The following CTNNA3 variants were observed in gnomAD, a reference collection of about 807,000 sequenced individuals.
CTNNA3 encodes catenin alpha 3.
CTNNA3 carries 76 observed loss-of-function variants against 95.7 expected under a neutral mutation model. The observed-to-expected ratio is 0.79, with a 90% CI of 0.66 to 0.96. The LOEUF (loss-of-function observed/expected upper bound fraction) is 0.96, where lower values mean the gene tolerates loss of function less well. Ranked by LOEUF, CTNNA3 falls within the 40% of genes least tolerant of loss-of-function variation. The pLI, the probability that CTNNA3 is intolerant of heterozygous loss-of-function variation, is 0.00. For synonymous variants in CTNNA3, 431 were observed against 374.4 expected (o/e 1.15, Z -1.74); for missense variants, 1,191 against 1,089.8 (o/e 1.09, Z -1.31).
At chr10:67,195,273 T>TA (rs1235455286) in intron 6 of CTNNA3, among the ~76,000 whole-genome samples, 3 of 152,150 alleles carry the variant, frequency 2.0e-5, no homozygotes, top group African/African-American at 7.2e-5. Context: ...TACTTATCTT[T>TA]AAGAAAATTA....
chr10:66,469,717 G>A (rs1433681431), intron 11 of CTNNA3, among the ~76,000 whole-genome samples: 4 of 151,674 alleles, frequency 2.6e-5, no homozygotes, highest in Non-Finnish European at 5.9e-5. Context: ...TTGTGATTAA[G>A]GTGAAGGATA....
At chr10:67,145,704 C>A (rs894298593) in intron 7 of CTNNA3, among the ~76,000 whole-genome samples, 1 of 152,100 alleles carries the variant, frequency 6.6e-6, no homozygotes, top group African/African-American at 2.4e-5. Context: ...GCTGGGATTA[C>A]AGGCATGAGC....
chr10:66,420,659 C>T (rs11816343), intron 11 of CTNNA3, among the ~76,000 whole-genome samples: 40,130 of 151,478 alleles, frequency 0.26, 5,459 homozygotes, highest in South Asian at 0.39. Context: ...ATTAGCCGGG[C>T]GTGATGGCAT....
chr10:66,659,575 A>G (rs1341598062), intron 9 of CTNNA3, among the ~76,000 whole-genome samples: 2 of 152,120 alleles, frequency 1.3e-5, no homozygotes, highest in Non-Finnish European at 2.9e-5. Context: ...ACAAATATTC[A>G]TATGTTTAAA....
chr10:67,554,170 T>A (rs1841143465), intron 3 of CTNNA3, among the ~76,000 whole-genome samples: 1 of 152,198 alleles, frequency 6.6e-6, no homozygotes, highest in South Asian at 2.1e-4. Flanking sequence ...TGTTGGACAT[T>A]TGGGTTGGTT....
In CTNNA3 at chr10:66,927,131, G is replaced by C; in HGVS notation, c.1048-151607C>G. 6.2e-7 allele frequency: 1 copy of C among 1,614,160 alleles called. No individual in the cohort carries two copies. The highest frequency in any genetic ancestry group is 8.5e-7 in the Non-Finnish European group (1 of 1,180,038). On this transcript the variant is annotated intron_variant, in intron 7 of 17. Coordinates refer to ENST00000433211, the MANE Select transcript of CTNNA3 (RefSeq NM_013266.4). This position sits in a 1 kb window ranked among gnomAD's most constrained non-coding sequence, Gnocchi z 4.7. ...TTAGGTTTGTCCCTTCGCTATAACA[G>C]CCTTCAAAAACTTAAGTATAATCAA...
intron 7 of CTNNA3, among the ~76,000 whole-genome samples, chr10:66,804,503 A>G (rs926976361): frequency 1.3e-5 from 2 of 152,004 alleles, no homozygotes; most frequent in Non-Finnish European, 2.9e-5. Context: ...TTTGCCTTTT[A>G]TGTCTACAAT....
intron 3 of CTNNA3, among the ~76,000 whole-genome samples, chr10:67,559,656 T>C (rs1307806810): frequency 6.6e-6 from 1 of 151,838 alleles, no homozygotes; most frequent in African/African-American, 2.4e-5. Context: ...CTTTGACAAG[T>C]TGAGAGAAGG....
chr10:66,560,673 A>G (rs1346340421), intron 10 of CTNNA3, among the ~76,000 whole-genome samples: 1 of 152,022 alleles, frequency 6.6e-6, no homozygotes, highest in Non-Finnish European at 1.5e-5. Context: ...CTTGATCTAT[A>G]ATGGAGTGTG....
chr10:67,311,883 A>G (rs1223029126), intron 5 of CTNNA3, among the ~76,000 whole-genome samples: 1 of 151,928 alleles, frequency 6.6e-6, no homozygotes, highest in East Asian at 1.9e-4. Flanking sequence ...CTAGTATCCC[A>G]ACCCCAACAT....
At chr10:66,375,755 G>C (rs2132478324) in intron 12 of CTNNA3, among the ~76,000 whole-genome samples, 1 of 152,150 alleles carries the variant, frequency 6.6e-6, no homozygotes, top group Non-Finnish European at 1.5e-5. Flanking sequence ...GCTTAAACTG[G>C]AGTAAACAAT....
intron 13 of CTNNA3, among the ~76,000 whole-genome samples, chr10:66,117,246 G>A (rs908614114): frequency 6.6e-6 from 1 of 152,106 alleles, no homozygotes; most frequent in African/African-American, 2.4e-5. Context: ...TATTTTAAAT[G>A]TGCATTTTAT....
At chr10:66,623,194 A>G (rs1297613688) in intron 9 of CTNNA3, among the ~76,000 whole-genome samples, 2 of 152,140 alleles carry the variant, frequency 1.3e-5, no homozygotes, top group Admixed American at 1.3e-4. Context: ...TTTGTATTAT[A>G]TTAATTCACA....
chr10:66,785,292 A>T (rs181992133), intron 7 of CTNNA3, among the ~76,000 whole-genome samples: 1 of 152,206 alleles, frequency 6.6e-6, no homozygotes, highest in Non-Finnish European at 1.5e-5. Flanking sequence ...GTTAAAAGAT[A>T]CCTAGGTAAC....
chr10:65,936,510 A>G (rs1377364294), intron 17 of CTNNA3, among the ~76,000 whole-genome samples: 1 of 152,094 alleles, frequency 6.6e-6, no homozygotes, highest in South Asian at 2.1e-4. Context: ...TACAACTCCA[A>G]TGAACATTCA....
intron 5 of CTNNA3, among the ~76,000 whole-genome samples, chr10:67,298,925 T>A (rs978141294): frequency 6.7e-6 from 1 of 149,776 alleles, no homozygotes; most frequent in Non-Finnish European, 1.5e-5. Flanking sequence ...CTTCATATGT[T>A]GCATTTTTTT....
chr10:66,522,076 A>G (rs1198546380), intron 10 of CTNNA3, among the ~76,000 whole-genome samples: 4 of 152,156 alleles, frequency 2.6e-5, no homozygotes, highest in African/African-American at 7.2e-5. Context: ...GGTTTCCTTC[A>G]ATTAGAGCAT....
At chr10:66,169,732 G>T (rs1375237569) in intron 13 of CTNNA3, among the ~76,000 whole-genome samples, 1 of 152,118 alleles carries the variant, frequency 6.6e-6, no homozygotes, top group Non-Finnish European at 1.5e-5. Flanking sequence ...GAGTAAGATG[G>T]TATTGCATTA....
intron 5 of CTNNA3, among the ~76,000 whole-genome samples, chr10:67,340,584 C>T (rs750322284): frequency 1.3e-4 from 20 of 152,206 alleles, no homozygotes; most frequent in South Asian, 4.1e-4. Flanking sequence ...AGGACCAAAT[C>T]CCAGGTGCAG....
Sources: allele counts gnomAD v4.1 joint callset (sites outside exome capture counted in the v4.1 genomes callset), GRCh38; gene constraint gnomAD v4.1.1; non-coding constraint Gnocchi (gnomAD v3.1); transcripts MANE v1.5; gene names NCBI Gene and HGNC (gene_info 2026-07-23, HGNC 2026-07-21).